GALNT10: variants seen among roughly 807,000 people sequenced by gnomAD.
The protein encoded by GALNT10 is GalNAc transferase 10.
Under a neutral mutation model 75.0 loss-of-function variants are expected in GALNT10, and 41 were observed. That is an observed-to-expected ratio of 0.55 (90% CI 0.43 to 0.71). The LOEUF is 0.71. Ranked by LOEUF, GALNT10 falls within the 30% of genes least tolerant of loss-of-function variation. The pLI is 0.00. For missense variants in GALNT10, 727 were observed against 818.5 expected (o/e 0.89, Z 1.36); for synonymous variants, 302 against 313.0 (o/e 0.96, Z 0.37).
chr5:154,262,018 A>G (rs1753705909), intron 1 of GALNT10, among the ~76,000 whole-genome samples: 1 of 152,146 alleles, frequency 6.6e-6, no homozygotes, highest in Admixed American at 6.5e-5. Context: ...AAAAGAGAAG[A>G]GATAGTTCAT....
chr5:154,250,615 G>A (rs1465417846), intron 1 of GALNT10, among the ~76,000 whole-genome samples: 3 of 152,144 alleles, frequency 2.0e-5, no homozygotes, highest in Non-Finnish European at 4.4e-5. Context: ...AAACCTCCAG[G>A]ATGGATCACT....
intron 4 of GALNT10, among the ~76,000 whole-genome samples, chr5:154,357,504 T>C (rs549473148): frequency 6.6e-6 from 1 of 152,330 alleles, no homozygotes; most frequent in African/African-American, 2.4e-5. Flanking sequence ...TTGCTCTAGG[T>C]CATAAACTTC....
chr5:154,370,512 T>C (rs924163797), intron 4 of GALNT10, among the ~76,000 whole-genome samples: 2 of 152,152 alleles, frequency 1.3e-5, no homozygotes, highest in South Asian at 4.1e-4. Flanking sequence ...AGGAATTGTA[T>C]GGAGGCTTTG....
chr5:154,262,567 C>T (rs938108845), intron 1 of GALNT10, among the ~76,000 whole-genome samples: 1 of 152,202 alleles, frequency 6.6e-6, no homozygotes, highest in Non-Finnish European at 1.5e-5. Flanking sequence ...CCATCAGAAA[C>T]GCTCTTCTCC....
At chr5:154,353,610 T>C (rs1359315152) in intron 4 of GALNT10, among the ~76,000 whole-genome samples, 1 of 152,230 alleles carries the variant, frequency 6.6e-6, no homozygotes, top group Non-Finnish European at 1.5e-5. Context: ...GGGCTAGACT[T>C]TAGGGATACC....
At chr5:154,405,830 C>T (rs967547719) in intron 8 of GALNT10, among the ~76,000 whole-genome samples, 12 of 151,276 alleles carry the variant, frequency 7.9e-5, no homozygotes, top group Non-Finnish European at 1.3e-4. Context: ...GGTGACAAAA[C>T]GAGACCATGT....
intron 1 of GALNT10, among the ~76,000 whole-genome samples, chr5:154,213,428 CCT>C (rs1403822451): frequency 6.6e-6 from 1 of 152,156 alleles, no homozygotes; most frequent in Non-Finnish European, 1.5e-5. Context: ...TGGCCATTCC[CCT>C]CTCTGTATAG....
chr5:154,268,026 T>TA (rs981622257), intron 1 of GALNT10, among the ~76,000 whole-genome samples: 63 of 152,360 alleles, frequency 4.1e-4, no homozygotes, highest in African/African-American at 1.5e-3. Context: ...TTACAAGAGA[T>TA]ATGTTTACAA....
chr5:154,354,516 C>T (rs991386906), intron 4 of GALNT10, among the ~76,000 whole-genome samples: 1 of 152,176 alleles, frequency 6.6e-6, no homozygotes, highest in Non-Finnish European at 1.5e-5. Flanking sequence ...TGTCTCTCAT[C>T]TCCTGCTTCC....
chr5:154,332,480 G>GC, intron 4 of GALNT10, among the ~76,000 whole-genome samples: 1 of 152,236 alleles, frequency 6.6e-6, no homozygotes, highest in Middle Eastern at 3.4e-3. Flanking sequence ...TGGCTGGCTC[G>GC]CCTCATCCCA....
intron 3 of GALNT10, among the ~76,000 whole-genome samples, chr5:154,310,377 T>C (rs1754495573): frequency 6.6e-6 from 1 of 152,136 alleles, no homozygotes; most frequent in Non-Finnish European, 1.5e-5. Context: ...ATGGAATGAT[T>C]TGTAAGCTGG....
rs553318217 is a variant in GALNT10, at chr5:154,190,966, C to T, written c.100C>T (p.Arg34Trp). 5 of 1,506,906 alleles carry T rather than the reference C, an allele frequency of 3.3e-6. No homozygotes were observed. The South Asian group carries it at 4.9e-5, about 15-fold the overall frequency. The allele number at this position is 1,506,906 out of a possible 1,614,324, so 93.3% of individuals were successfully genotyped here. ...GGGGCTTTGGGCGCTGTACCGCGAG[C>T]GGCAGCCCGACGGCACCCCTGGGGG... Reference protein sequence around the residue: ...NVGLWALYRERQPDGTPGGSG... With the variant: ...NVGLWALYREWQPDGTPGGSG... The change falls in exon 1 of 12, where the codon CGG becomes TGG. Residue 34 changes from arginine to tryptophan, a missense_variant. Coordinates refer to ENST00000297107, the MANE Select transcript of GALNT10 (RefSeq NM_198321.4).
At chr5:154,197,919 C>T (rs992484563) in intron 1 of GALNT10, among the ~76,000 whole-genome samples, 5 of 152,114 alleles carry the variant, frequency 3.3e-5, no homozygotes, top group Non-Finnish European at 7.4e-5. Flanking sequence ...GTGCTGAGTC[C>T]TTAACCACCA....
rs1297469739 is a variant in GALNT10, at chr5:154,412,375, T to C, written c.1387-514T>C. On this transcript the variant is annotated intron_variant, in intron 9 of 11. Transcript: ENST00000297107. This position sits in a 1 kb window ranked among gnomAD's most constrained non-coding sequence, Gnocchi z 4.2. The stretch of plus-strand genomic sequence containing the variant: ...TGGTTGAAGGGGAAGAGGCAACTAT[T>C]GTTCTTTGGATCTCAGCAGGGGGTG... The C allele has an allele frequency of 6.3e-6, 1 of 159,802 alleles. No homozygotes were observed. Among genetic ancestry groups the C allele is most frequent in the Non-Finnish European group, 1.4e-5 (1 of 72,808 alleles). The allele number at this position is 159,802 out of a possible 1,614,324, so 9.9% of individuals were successfully genotyped here. A position where few individuals can be genotyped will look rare whatever the true frequency, so the allele number is the denominator to read the frequency against.
chr5:154,354,514 A>G (rs1755259297), intron 4 of GALNT10, among the ~76,000 whole-genome samples: 1 of 152,184 alleles, frequency 6.6e-6, no homozygotes, highest in Admixed American at 6.5e-5. Flanking sequence ...ATTGTCTCTC[A>G]TCTCCTGCTT....
intron 3 of GALNT10, among the ~76,000 whole-genome samples, chr5:154,318,785 C>T (rs532588711): frequency 2.0e-4 from 30 of 152,288 alleles, no homozygotes; most frequent in African/African-American, 7.2e-4. Flanking sequence ...ACTGTTTCTG[C>T]TCTTTTCACT....
rs1774844943 is a variant in GALNT10 at position 154,190,831 on chromosome 5, G to A, written c.-36G>A. 3.6e-6 allele frequency: 4 copies of A among 1,116,794 alleles called. No individual in the cohort carries two copies. The highest frequency in any genetic ancestry group is 8.4e-5 in the South Asian group (2 of 23,722). The allele number at this position is 1,116,794 out of a possible 1,614,324, so 69.2% of individuals were successfully genotyped here. ...CGCGCGGAGCTGGGGGCGGCGCGGC[G>A]GGGCCGGCGGGGCGCGGCGGGGCTG... On this transcript the variant is annotated 5_prime_UTR_variant, in exon 1 of 12. Coordinates refer to ENST00000297107, the MANE Select transcript of GALNT10 (RefSeq NM_198321.4).
At chr5:154,341,844 A>G (rs1755036832) in intron 4 of GALNT10, among the ~76,000 whole-genome samples, 1 of 152,200 alleles carries the variant, frequency 6.6e-6, no homozygotes, top group Non-Finnish European at 1.5e-5. Context: ...AGGGGGATGG[A>G]GAACGTAGTC....
At chr5:154,365,942 T>TCTCC (rs1755468331) in intron 4 of GALNT10, among the ~76,000 whole-genome samples, 1 of 152,190 alleles carries the variant, frequency 6.6e-6, no homozygotes, top group South Asian at 2.1e-4. Context: ...AAAGGAATTG[T>TCTCC]CTCCATCTCT....
Sources: allele counts gnomAD v4.1 joint callset (sites outside exome capture counted in the v4.1 genomes callset), GRCh38; gene constraint gnomAD v4.1.1; non-coding constraint Gnocchi (gnomAD v3.1); transcripts MANE v1.5; gene names NCBI Gene and HGNC (gene_info 2026-07-23, HGNC 2026-07-21).